Variants in FYB1 observed in about 807,000 individuals in gnomAD.
FYB1 encodes the protein FYN binding protein 1.
A neutral mutation model predicts 94.1 loss-of-function variants in FYB1; 41 were observed. The observed-to-expected ratio is 0.44, with a 90% CI of 0.34 to 0.57. The LOEUF (loss-of-function observed/expected upper bound fraction) is 0.57. Ranked by LOEUF, FYB1 falls within the 20% of genes least tolerant of loss-of-function variation. The pLI, the probability that FYB1 is intolerant of heterozygous loss-of-function variation, is 0.02. For synonymous variants in FYB1, 367 were observed against 353.2 expected, an observed-to-expected ratio of 1.04 and a Z score of -0.44; for missense variants, 1,050 against 976.8, an observed-to-expected ratio of 1.07 and a Z score of -1.00.
At chr5:39,136,463 T>C (rs575230362) in intron 7 of FYB1, among the ~76,000 whole-genome samples, 1 of 152,366 alleles carries the variant, frequency 6.6e-6, no homozygotes, top group East Asian at 1.9e-4. Context: ...TAAAATGTTC[T>C]AATATTAATA....
At chr5:39,192,924 C>T (rs1461150809) in intron 2 of FYB1, among the ~76,000 whole-genome samples, 1 of 152,200 alleles carries the variant, frequency 6.6e-6, no homozygotes, top group Non-Finnish European at 1.5e-5. Context: ...GGGCCTTCCC[C>T]TTGTCGTGGC....
chr5:39,273,536 T>C (rs1388005936), intron 1 of FYB1, among the ~76,000 whole-genome samples: 1 of 152,194 alleles, frequency 6.6e-6, no homozygotes, highest in Non-Finnish European at 1.5e-5. Context: ...GAGAGCATAG[T>C]GATACCATCT....
intron 11 of FYB1, among the ~76,000 whole-genome samples, chr5:39,127,130 T>C (rs1740752749): frequency 6.8e-6 from 1 of 147,774 alleles, no homozygotes; most frequent in Non-Finnish European, 1.5e-5. Context: ...AAAAAGAAAA[T>C]TTATTTTCTT....
At chr5:39,220,702 C>T (rs1335266598), upstream of FYB1, among the ~76,000 whole-genome samples, 1 of 152,166 alleles carries the variant, frequency 6.6e-6, no homozygotes, top group Non-Finnish European at 1.5e-5. Context: ...GGATTTTCCA[C>T]TCAGTGGCTT....
intron 1 of FYB1, among the ~76,000 whole-genome samples, chr5:39,229,279 G>A (rs980653388): frequency 3.3e-5 from 5 of 152,148 alleles, no homozygotes; most frequent in Admixed American, 1.3e-4. Context: ...TTCCCCAGTA[G>A]AGAAGTGCAG....
intron 2 of FYB1, among the ~76,000 whole-genome samples, chr5:39,174,109 G>A (rs1367782146): frequency 6.6e-6 from 1 of 151,986 alleles, no homozygotes; most frequent in Non-Finnish European, 1.5e-5. Context: ...TTATTTGTGT[G>A]GTCTCTGATT....
At chr5:39,247,734 G>T (rs1751544263) in intron 1 of FYB1, among the ~76,000 whole-genome samples, 1 of 151,052 alleles carries the variant, frequency 6.6e-6, no homozygotes. Flanking sequence ...ACATTCCAGG[G>T]TTAATTTCAG....
intron 11 of FYB1, among the ~76,000 whole-genome samples, chr5:39,126,788 G>A (rs1169159441): frequency 6.7e-6 from 1 of 150,022 alleles, no homozygotes; most frequent in East Asian, 2.0e-4. Flanking sequence ...GCCAGGCACA[G>A]TGGCTCACGC....
chr5:39,168,843 A>AT lies in FYB1; in HGVS notation c.1136-15240dup, dbSNP rs558265577. On this transcript the variant is annotated intron_variant, in intron 2 of 18. Coordinates refer to ENST00000512982, the MANE Select transcript of FYB1 (RefSeq NM_001465.6). ...TTTTAATCAAAATAGGAAACTTTTT[A>AT]TTTTTGTCACTAAATACAATTAGTT... is the stretch of plus-strand genomic sequence containing the variant. Among the ~76,000 whole-genome samples, 95 of 152,036 alleles carry AT rather than the reference A, an allele frequency of 6.2e-4. No individual in the cohort carries two copies. In the South Asian group the frequency reaches 0.019, roughly 30 times the overall value.
chr5:39,270,744 C>A, intron 1 of FYB1: 1 of 504,880 alleles, frequency 2.0e-6, no homozygotes, highest in South Asian at 3.9e-5. Flanking sequence ...TATCTCAACC[C>A]TCAGAGCATT....
At chr5:39,198,847 T>C (rs1748054359) in intron 2 of FYB1, among the ~76,000 whole-genome samples, 1 of 152,074 alleles carries the variant, frequency 6.6e-6, no homozygotes, top group African/African-American at 2.4e-5. Context: ...TCTGCATATA[T>C]ATTCTATATA....
chr5:39,253,913 G>T (rs1257443381), intron 1 of FYB1, among the ~76,000 whole-genome samples: 1 of 152,050 alleles, frequency 6.6e-6, no homozygotes, highest in Non-Finnish European at 1.5e-5. Context: ...CATTTAGCTT[G>T]CACTTATAAA....
At chr5:39,260,047 AAG>A (rs1411181425) in intron 1 of FYB1, among the ~76,000 whole-genome samples, 2 of 152,254 alleles carry the variant, frequency 1.3e-5, no homozygotes, top group African/African-American at 4.8e-5. Flanking sequence ...AGATTCATCA[AAG>A]AGAGACACAG....
At chr5:39,206,729 C>T (rs1748890300) in intron 1 of FYB1, among the ~76,000 whole-genome samples, 1 of 152,182 alleles carries the variant, frequency 6.6e-6, no homozygotes, top group Non-Finnish European at 1.5e-5. Context: ...TGGTGACCTT[C>T]CCTAGTTCTC....
chr5:39,205,365 T>A (rs1188347309), intron 1 of FYB1, among the ~76,000 whole-genome samples: 1 of 152,194 alleles, frequency 6.6e-6, no homozygotes, highest in Non-Finnish European at 1.5e-5. Flanking sequence ...ATGGGAATAA[T>A]AATGTGTAGC....
chr5:39,269,674 G>A (rs1752588777), intron 1 of FYB1: 1 of 152,152 alleles, frequency 6.6e-6, no homozygotes, highest in South Asian at 2.1e-4. Context: ...TATTCTCCCT[G>A]TTCCAATGTC....
In FYB1 at chr5:39,265,917, T is replaced by C. The variant is rs559533680; in HGVS notation, c.-28+8486A>G. Among the ~76,000 whole-genome samples the C allele has an allele frequency of 3.7e-4, 56 of 151,892 alleles. 1 individual carries two copies. The Middle Eastern group carries it at 0.014, about 37-fold the overall frequency. ...TACACTCCTTTCAGGAGCTCCCATG[T>C]AGCTTAAAAACTGGATGAAAGGAAC... On this transcript the variant is annotated intron_variant, in intron 1 of 1. Transcript: ENST00000510188.
chr5:39,229,206 T>A (rs539675101), intron 1 of FYB1, among the ~76,000 whole-genome samples: 1 of 152,218 alleles, frequency 6.6e-6, no homozygotes, highest in South Asian at 2.1e-4. Context: ...ACTCCCTTAC[T>A]AAAGGATCCA....
In FYB1 at chr5:39,202,119, TC is replaced by T; in HGVS notation, c.841del (p.Glu281LysfsTer8). 1 of 1,614,044 alleles carries T rather than the reference TC, an allele frequency of 6.2e-7. No individual in the cohort carries two copies. Among genetic ancestry groups the T allele is most frequent in the South Asian group, 1.1e-5 (1 of 91,090 alleles). On this transcript the variant is annotated frameshift_variant, in exon 2 of 19. Transcript: ENST00000512982. LOFTEE classifies it high-confidence loss of function. ...GGPGLSKNGEEKKEDRKIDAA... is the reference protein window; with the variant it reads ...GGPGLSKNGEXKKEDRKIDAA... ...ATCTATCTTCCTATCTTCCTTTTTT[TC>T]TTCACCATTTTTGGAGAGACCTGGG...
Sources: allele counts gnomAD v4.1 joint callset (sites outside exome capture counted in the v4.1 genomes callset), GRCh38; gene constraint gnomAD v4.1.1; transcripts MANE v1.5; gene names NCBI Gene and HGNC (gene_info 2026-07-23, HGNC 2026-07-21).